Variants in NFAM1 observed in about 807,000 individuals in gnomAD.
The protein encoded by NFAM1 is NFAT activation molecule 1.
NFAM1 carries 17 observed loss-of-function variants against 29.0 expected under a neutral mutation model. That is an observed-to-expected ratio of 0.59 (90% CI 0.40 to 0.88). NFAM1 has a LOEUF of 0.88. NFAM1 is among the 40% of genes least tolerant of loss of function. The pLI, the probability that NFAM1 is intolerant of heterozygous loss-of-function variation, is 0.00. For synonymous variants in NFAM1, 175 were observed against 147.2 expected (o/e 1.19, Z -1.36); for missense variants, 324 against 344.6 (o/e 0.94, Z 0.47).
chr22:42,410,976 A>G (rs942445055), intron 2 of NFAM1, among the ~76,000 whole-genome samples: 2 of 150,404 alleles, frequency 1.3e-5, no homozygotes, highest in Non-Finnish European at 3.0e-5. Flanking sequence ...TGCTTTGCCA[A>G]TGCTGGTAGA....
intron 3 of NFAM1, among the ~76,000 whole-genome samples, chr22:42,407,464 G>A (rs1242090097): frequency 3.3e-5 from 5 of 152,018 alleles, no homozygotes; most frequent in Admixed American, 2.6e-4. Flanking sequence ...CACCTCCCGG[G>A]TTCAAGCAAT....
chr22:42,424,985 A>C (rs2146554668), intron 1 of NFAM1, among the ~76,000 whole-genome samples: 2 of 151,856 alleles, frequency 1.3e-5, no homozygotes, highest in South Asian at 4.2e-4. Context: ...GCAGTGGTGC[A>C]ATCCCGTCTC....
In NFAM1 at chr22:42,384,973, C is replaced by G. The variant is rs536833759; in HGVS notation, c.*188G>C. Reference sequence around the variant, plus strand: ...GGGCAAAGGCCCCAAGATGGGAAAGCCTTGGTGGTTGGGGCATAGAATGGG... The same window carrying G: ...GGGCAAAGGCCCCAAGATGGGAAAGGCTTGGTGGTTGGGGCATAGAATGGG... On this transcript the variant is annotated 3_prime_UTR_variant, in exon 6 of 6. Transcript: ENST00000329021. 8.9e-6 allele frequency: 6 copies of G among 673,326 alleles called. No homozygotes were observed. The highest frequency in any genetic ancestry group is 6.8e-5 in the South Asian group (4 of 59,002). The allele number at this position is 673,326 out of a possible 1,614,324, so 41.7% of individuals were successfully genotyped here. A position where few individuals can be genotyped will look rare whatever the true frequency, so the allele number is the denominator to read the frequency against.
intron 1 of NFAM1, among the ~76,000 whole-genome samples, chr22:42,428,291 C>T (rs544788388): frequency 3.0e-4 from 45 of 152,284 alleles, no homozygotes; most frequent in African/African-American, 9.1e-4. Flanking sequence ...TGCCTCTCCC[C>T]GCCCACCTCT....
chr22:42,415,980 G>C (rs1157615816), intron 1 of NFAM1, among the ~76,000 whole-genome samples: 1 of 152,202 alleles, frequency 6.6e-6, no homozygotes, highest in African/African-American at 2.4e-5. Context: ...GGGGAGCATT[G>C]AGTTTGCCTG....
intron 5 of NFAM1, among the ~76,000 whole-genome samples, chr22:42,385,888 C>G (rs983405094): frequency 6.6e-6 from 1 of 152,160 alleles, no homozygotes; most frequent in East Asian, 1.9e-4. Flanking sequence ...AAGTGCCAGG[C>G]GCCCGCACTC....
At position 42,397,757 on chromosome 22, in the gene NFAM1, C is replaced by T. The variant is rs916863492; in HGVS notation, c.663+101G>A. On this transcript the variant is annotated intron_variant, in intron 4 of 5. Transcript: ENST00000329021. The stretch of plus-strand genomic sequence containing the variant: ...TGAGGAACTTGAGGCTAGGAGAGTC[C>T]ACACAGCTGGTACAAGACTGAGCCA... The T allele has an allele frequency of 6.8e-6, 5 of 733,574 alleles. No individual in the cohort carries two copies. In the Admixed American group the frequency reaches 8.5e-5, roughly 12 times the overall value. The allele number at this position is 733,574 out of a possible 1,614,324, so 45.4% of individuals were successfully genotyped here.
rs921753033 is a variant in NFAM1 at position 42,381,106 on chromosome 22, CAGA to C, written c.*4052_*4054del. 4 of 152,660 alleles carry C rather than the reference CAGA, an allele frequency of 2.6e-5. No homozygotes were observed. Among genetic ancestry groups the C allele is most frequent in the African/African-American group, 9.7e-5 (4 of 41,444 alleles). The allele number at this position is 152,660 out of a possible 1,614,324, so 9.5% of individuals were successfully genotyped here. A position where few individuals can be genotyped will look rare whatever the true frequency, so the allele number is the denominator to read the frequency against. On this transcript the variant is annotated 3_prime_UTR_variant, in exon 6 of 6. Transcript: ENST00000329021. ...TAGAGGCTGGGCACAGACTGACCTC[CAGA>C]AGAAGTCCATGGGCCCTCTGCTAGG...
chr22:42,437,475 G>A, the NFAM1 span, among the ~76,000 whole-genome samples: 1 of 152,016 alleles, frequency 6.6e-6, no homozygotes, highest in Non-Finnish European at 1.5e-5. Flanking sequence ...CGTCCACCAT[G>A]TGCCAAGGTT....
chr22:42,387,018 G>A lies in NFAM1; in HGVS notation c.724C>T (p.Pro242Ser), dbSNP rs771444740. Reference protein sequence around the residue: ...ACIENEDGSSPTAKQSPLSQE... With the variant: ...ACIENEDGSSSTAKQSPLSQE... Reference sequence around the variant, plus strand: ...GAGAGGGGGCTCTGCTTGGCGGTGGGTGAGCTGCCATCCTCATTCTCGATG... The same window carrying A: ...GAGAGGGGGCTCTGCTTGGCGGTGGATGAGCTGCCATCCTCATTCTCGATG... Residue 242 changes from proline (P) to serine (S), a missense_variant, in exon 5 of 6, where the codon CCC becomes TCC. Pro to Ser is a moderately conservative substitution (Grantham distance 74). Coordinates refer to ENST00000329021, the MANE Select transcript of NFAM1 (RefSeq NM_145912.8). 1 of 1,581,300 alleles carries A rather than the reference G, an allele frequency of 6.3e-7. No individual in the cohort carries two copies. Among genetic ancestry groups the A allele is most frequent in the Non-Finnish European group, 8.6e-7 (1 of 1,164,096 alleles).
At chr22:42,397,065 G>A (rs1384659486) in intron 4 of NFAM1, among the ~76,000 whole-genome samples, 1 of 149,272 alleles carries the variant, frequency 6.7e-6, no homozygotes, top group Non-Finnish European at 1.5e-5. Flanking sequence ...ACCCCAGCTG[G>A]CACTGGGTGG....
chr22:42,396,460 A>C (rs1335312337), intron 4 of NFAM1, among the ~76,000 whole-genome samples: 1 of 150,590 alleles, frequency 6.6e-6, no homozygotes, highest in Non-Finnish European at 1.5e-5. Context: ...AGATGGGATT[A>C]GGATGCTGGT....
intron 3 of NFAM1, among the ~76,000 whole-genome samples, chr22:42,401,119 G>A (rs545528036): frequency 1.3e-5 from 2 of 152,188 alleles, no homozygotes; most frequent in Admixed American, 6.5e-5. Context: ...AGTGCCACTG[G>A]GGATCCCAAG....
At chr22:42,397,778 A>C in intron 4 of NFAM1, 80 bp downstream of exon 4, 1 of 828,756 alleles carries the variant, frequency 1.2e-6, no homozygotes, top group Non-Finnish European at 2.1e-6. Flanking sequence ...TACAAGACTG[A>C]GCCAGACAGA....
rs537800890 is a variant in NFAM1, at chr22:42,419,845, A to G, written c.122-8109T>C. On this transcript the variant is annotated intron_variant, in intron 1 of 5. Transcript: ENST00000329021. This position sits in a 1 kb window ranked among gnomAD's most constrained non-coding sequence, Gnocchi z 4.5. ...GGCGTCACTGTTAAGCCATGTGATC[A>G]GAAGAGCCAATGTCCCCTGGGTTTG... is the stretch of plus-strand genomic sequence containing the variant. 1.3e-5 allele frequency among the ~76,000 whole-genome samples: 2 copies of G among 152,326 alleles called. No homozygotes were observed. The highest frequency in any genetic ancestry group is 4.8e-5 in the African/African-American group (2 of 41,576).
rs1319197984 is a variant in NFAM1 at position 42,419,295 on chromosome 22, T to C, written c.122-7559A>G. 1.7e-4 allele frequency among the ~76,000 whole-genome samples: 26 copies of C among 152,056 alleles called. No homozygotes were observed. The highest frequency in any genetic ancestry group is 1.4e-3 in the Admixed American group (21 of 15,280). On this transcript the variant is annotated intron_variant, in intron 1 of 5. Coordinates refer to ENST00000329021, the MANE Select transcript of NFAM1 (RefSeq NM_145912.8). This position sits in a 1 kb window ranked among gnomAD's most constrained non-coding sequence, Gnocchi z 4.5. The stretch of plus-strand genomic sequence containing the variant: ...CTCTGTGGCTCTGAGTCCCCAGCGA[T>C]CCACAAACTCATCCTGCTCCTGCCC...
intron 3 of NFAM1, among the ~76,000 whole-genome samples, chr22:42,407,725 G>A (rs989452719): frequency 2.6e-5 from 4 of 152,032 alleles, no homozygotes; most frequent in Non-Finnish European, 5.9e-5. Context: ...AGTAGCCCAG[G>A]ACCACAGGTG....
rs546316121 is a variant in NFAM1 at position 42,381,513 on chromosome 22, G to C, written c.*3648C>G. Reference sequence around the variant, plus strand: ...AATCCCACCAGGTCAGGGGCCAGTGGGCAGAGGGAAGCATCAGCTGAGACC... The same window carrying C: ...AATCCCACCAGGTCAGGGGCCAGTGCGCAGAGGGAAGCATCAGCTGAGACC... On this transcript the variant is annotated 3_prime_UTR_variant, in exon 6 of 6. Coordinates refer to ENST00000329021, the MANE Select transcript of NFAM1 (RefSeq NM_145912.8). The C allele has an allele frequency of 2.0e-5, 3 of 152,712 alleles. No homozygotes were observed. The highest frequency in any genetic ancestry group is 1.3e-4 in the Admixed American group (2 of 15,310). 9.5% of individuals were successfully genotyped at this position (152,712 alleles called of 1,614,324 possible).
intron 4 of NFAM1, among the ~76,000 whole-genome samples, chr22:42,393,854 G>A (rs1337532786): frequency 6.6e-6 from 1 of 152,150 alleles, no homozygotes; most frequent in Non-Finnish European, 1.5e-5. Context: ...TGATCAGAGA[G>A]TATGTTCTGT....
Sources: gnomAD v4.1 joint callset for allele counts (sites outside exome capture counted in the v4.1 genomes callset) on GRCh38, gnomAD v4.1.1 for gene constraint, Gnocchi (gnomAD v3.1) non-coding constraint, MANE v1.5 for transcripts, NCBI Gene and HGNC (gene_info 2026-07-23, HGNC 2026-07-21) for gene names.